Variants in TFDP1 observed in about 807,000 individuals in gnomAD.
TFDP1 encodes the protein transcription factor Dp-1, also known as DRTF1-polypeptide 1.
In TFDP1, 6 loss-of-function variants were observed where a neutral mutation model predicts 48.0. That is an observed-to-expected ratio of 0.13 (90% CI 0.07 to 0.25). The LOEUF (loss-of-function observed/expected upper bound fraction) is 0.25. TFDP1 is among the 10% of genes least tolerant of loss of function. The pLI is 1.00. For synonymous variants in TFDP1, 201 were observed against 211.6 expected, an observed-to-expected ratio of 0.95 and a Z score of 0.44; for missense variants, 335 against 543.0, an observed-to-expected ratio of 0.62 and a Z score of 3.81.
chr13:113,598,266 C>T lies in TFDP1; in HGVS notation c.12+12417C>T, dbSNP rs1393890462. On this transcript the variant is annotated intron_variant, in intron 2 of 11. Transcript: ENST00000375370. The surrounding 1 kb of genome is among the most constrained non-coding windows in gnomAD (Gnocchi z 4.2). Reference sequence around the variant, plus strand: ...CAGGATGCAAGCACCTTTTTAACGGCTGTGGAACTGATGTATGGGTTTTCC... The same window carrying T: ...CAGGATGCAAGCACCTTTTTAACGGTTGTGGAACTGATGTATGGGTTTTCC... Among the ~76,000 whole-genome samples, 1 of 152,212 alleles carries T rather than the reference C, an allele frequency of 6.6e-6. No homozygotes were observed. Among genetic ancestry groups the T allele is most frequent in the Non-Finnish European group, 1.5e-5 (1 of 68,042 alleles).
At chr13:113,636,430 A>C in intron 9 of TFDP1, 104 bp from the exon 10 acceptor site, 1 of 1,293,574 alleles carries the variant, frequency 7.7e-7, no homozygotes, top group African/African-American at 1.5e-5. Context: ...GGGAACCGGG[A>C]AGCTGTGTGT....
At chr13:113,595,886 T>G (rs1026405969) in intron 2 of TFDP1, among the ~76,000 whole-genome samples, 3 of 152,194 alleles carry the variant, frequency 2.0e-5, no homozygotes, top group East Asian at 1.9e-4. Context: ...ATCGAGACCA[T>G]CCTGGCTAAC....
At chr13:113,593,760 AG>A (rs1232166898) in intron 2 of TFDP1, among the ~76,000 whole-genome samples, 2 of 143,858 alleles carry the variant, frequency 1.4e-5, no homozygotes, top group East Asian at 2.2e-4. Context: ...GCGGGTCCTC[AG>A]CCGTGCCCAG....
Position 113,634,619 on chromosome 13 carries a change from CTG to C in TFDP1, c.687+20_687+21del. 1 of 1,587,036 alleles carries C rather than the reference CTG, an allele frequency of 6.3e-7. No individual in the cohort carries two copies. The highest frequency in any genetic ancestry group is 2.2e-5 in the East Asian group (1 of 44,694). On this transcript the variant is annotated intron_variant, in intron 8 of 11. Coordinates refer to ENST00000375370, the MANE Select transcript of TFDP1 (RefSeq NM_007111.5). ...ATTCTACAGGTAAGAGAATACGTAT[CTG>C]TGGAGGCAGGGTAATTTTTATTTTA...
intron 2 of TFDP1, among the ~76,000 whole-genome samples, chr13:113,587,459 G>A (rs903808124): frequency 1.3e-5 from 2 of 151,590 alleles, no homozygotes; most frequent in South Asian, 4.2e-4. Context: ...AACAAGTCAA[G>A]GAATTTGATG....
chr13:113,603,750 G>A (rs908461709), intron 2 of TFDP1, among the ~76,000 whole-genome samples: 14 of 152,176 alleles, frequency 9.2e-5, no homozygotes, highest in African/African-American at 2.9e-4. Context: ...TTTTAGCCAA[G>A]GAGCACCTTT....
At position 113,623,319 on chromosome 13, in the gene TFDP1, C is replaced by G; in HGVS notation, c.186+33C>G. ...TCCCGCAGGAGCGGACAGCCGGGAT[C>G]TCGGTGTGAGGTCGGGATCGGATGA... On this transcript the variant is annotated intron_variant, in intron 4 of 11. Transcript: ENST00000375370. The surrounding 1 kb of genome is among the most constrained non-coding windows in gnomAD (Gnocchi z 5.2). The G allele has an allele frequency of 6.4e-7, 1 of 1,573,992 alleles. No individual in the cohort carries two copies. The highest frequency in any genetic ancestry group is 1.4e-5 in the African/African-American group (1 of 73,930).
chr13:113,596,858 C>A (rs145507272), intron 2 of TFDP1, among the ~76,000 whole-genome samples: 1 of 152,300 alleles, frequency 6.6e-6, no homozygotes, highest in South Asian at 2.1e-4. Context: ...AGCCCTGCTT[C>A]GTGTTTTTGG....
chr13:113,602,985 A>AAAAC (rs58126506), intron 2 of TFDP1, among the ~76,000 whole-genome samples: 13,271 of 146,854 alleles, frequency 0.09, 1,250 homozygotes, highest in African/African-American at 0.23. Context: ...AAAAAAAAAA[A>AAAAC]ACGTATAATT....
chr13:113,614,514 C>A (rs1469119443), intron 3 of TFDP1, among the ~76,000 whole-genome samples: 1 of 152,150 alleles, frequency 6.6e-6, no homozygotes, highest in Non-Finnish European at 1.5e-5. Context: ...GCTGTAGAGG[C>A]CTCCCTTGAG....
intron 11 of TFDP1, among the ~76,000 whole-genome samples, chr13:113,638,475 C>A (rs564154818): frequency 6.6e-6 from 1 of 151,862 alleles, no homozygotes; most frequent in African/African-American, 2.4e-5. Flanking sequence ...GTGCTGCGAT[C>A]ACAGTGCATG....
At chr13:113,605,034 A>AGCAGGGCG (rs1393564289) in intron 2 of TFDP1, among the ~76,000 whole-genome samples, 1 of 152,188 alleles carries the variant, frequency 6.6e-6, no homozygotes, top group African/African-American at 2.4e-5. Flanking sequence ...GTGGAGCCTC[A>AGCAGGGCG]GCAGGGCGTT....
Position 113,611,082 on chromosome 13 carries a change from A to G in TFDP1, c.79+20A>G. The G allele has an allele frequency of 6.2e-7, 1 of 1,608,134 alleles. No individual in the cohort carries two copies. The highest frequency in any genetic ancestry group is 8.5e-7 in the Non-Finnish European group (1 of 1,174,616). On this transcript the variant is annotated intron_variant, in intron 3 of 11. Transcript: ENST00000375370. ...GGAAAGGTAAGGGCACCTGTTCTGGACACACTCTTGTGTTGATGAATGCAT... is the reference window on the plus strand; with the variant it reads ...GGAAAGGTAAGGGCACCTGTTCTGGGCACACTCTTGTGTTGATGAATGCAT...
At position 113,640,124 on chromosome 13, in the gene TFDP1, C is replaced by G; in HGVS notation, c.1090C>G (p.Leu364Val). 1 of 1,601,940 alleles carries G rather than the reference C, an allele frequency of 6.2e-7. No individual in the cohort carries two copies. The highest frequency in any genetic ancestry group is 8.5e-7 in the Non-Finnish European group (1 of 1,175,530). ...SNGTRFSASD[L>V]TNGADGMLAT... The stretch of plus-strand genomic sequence containing the variant: ...CATCCGCCTCCTGCCTTGCAGTGAC[C>G]TGACCAACGGTGCAGATGGGATGCT... Residue 364 changes from leucine to valine, a missense_variant, in exon 12 of 12, where the codon CTG (leucine) becomes GTG (valine). Around this residue, in one of 3 missense-constraint regions of TFDP1, gnomAD observed 204 missense variants for 287.1 expected, o/e 0.71. Coordinates refer to ENST00000375370, the MANE Select transcript of TFDP1 (RefSeq NM_007111.5).
Position 113,633,875 on chromosome 13 carries a change from C to G in TFDP1, c.475-15C>G, listed in dbSNP as rs772074572. Reference sequence around the variant, plus strand: ...TTTTGGATCATTTGGAAACTCCACTCCCTGTCATCCCCAGGCTTATGACCA... The same window carrying G: ...TTTTGGATCATTTGGAAACTCCACTGCCTGTCATCCCCAGGCTTATGACCA... On this transcript the variant is annotated splice_polypyrimidine_tract_variant and intron_variant, in intron 6 of 11. Coordinates refer to ENST00000375370, the MANE Select transcript of TFDP1 (RefSeq NM_007111.5). This position sits in a 1 kb window ranked among gnomAD's most constrained non-coding sequence, Gnocchi z 4.5. The G allele has an allele frequency of 2.5e-6, 4 of 1,600,854 alleles. No individual in the cohort carries two copies. The highest frequency in any genetic ancestry group is 3.4e-6 in the Non-Finnish European group (4 of 1,172,512).
intron 5 of TFDP1, among the ~76,000 whole-genome samples, chr13:113,632,381 G>A (rs1468681704): frequency 2.0e-5 from 3 of 152,246 alleles, no homozygotes; most frequent in Non-Finnish European, 4.4e-5. Context: ...CTTTGCACCT[G>A]TTGTCAAGCG....
chr13:113,620,077 G>T (rs1302268421), intron 3 of TFDP1, among the ~76,000 whole-genome samples: 1 of 152,204 alleles, frequency 6.6e-6, no homozygotes, highest in Non-Finnish European at 1.5e-5. Flanking sequence ...ACCCACCCCA[G>T]CCTCACGGTG....
In TFDP1 at chr13:113,640,833, C is replaced by T. The variant is rs1350666478; in HGVS notation, c.*566C>T. On this transcript the variant is annotated 3_prime_UTR_variant, in exon 12 of 12. Transcript: ENST00000375370. ...CATCAACCTTATTGACTTTATTGTC[C>T]CTTAAATTATATTGACTGTTGTGAT... is the stretch of plus-strand genomic sequence containing the variant. The T allele has an allele frequency of 6.5e-6, 1 of 154,522 alleles. No individual in the cohort carries two copies. Among genetic ancestry groups the T allele is most frequent in the Non-Finnish European group, 1.4e-5 (1 of 69,648 alleles). The allele number at this position is 154,522 out of a possible 1,614,324, so 9.6% of individuals were successfully genotyped here.
At chr13:113,605,705 G>A (rs186447188) in intron 2 of TFDP1, among the ~76,000 whole-genome samples, 10 of 152,354 alleles carry the variant, frequency 6.6e-5, no homozygotes, top group East Asian at 5.8e-4. Flanking sequence ...ACCAGCTTTC[G>A]CCAGAGGGCA....
Sources: gnomAD v4.1 joint callset for allele counts (sites outside exome capture counted in the v4.1 genomes callset) on GRCh38, gnomAD v4.1.1 for gene constraint, gnomAD v4.1.1 regional missense constraint, Gnocchi (gnomAD v3.1) non-coding constraint, MANE v1.5 for transcripts, NCBI Gene and HGNC (gene_info 2026-07-23, HGNC 2026-07-21) for gene names.